SYNM: variants seen among roughly 807,000 people sequenced by gnomAD.
SYNM encodes desmuslin.
A neutral mutation model predicts 104.0 loss-of-function variants in SYNM; 95 were observed. The ratio of observed to expected loss-of-function variants is 0.91; its 90% CI spans 0.77 to 1.08. The LOEUF (loss-of-function observed/expected upper bound fraction) is 1.08. Among genes scored for constraint, SYNM ranks in the 50% least tolerant of loss-of-function variants. SYNM has a pLI of 0.00. For synonymous variants in SYNM, 918 were observed against 869.0 expected (o/e 1.06, Z -0.99); for missense variants, 2,150 against 2,052.2 (o/e 1.05, Z -0.92).
rs1222775816 is a variant in SYNM, at chr15:99,132,701, G to A, written c.4341G>A (p.Thr1447=). The A allele has an allele frequency of 1.3e-5, 21 of 1,613,900 alleles. No homozygotes were observed. Among genetic ancestry groups the A allele is most frequent in the Admixed American group, 1.2e-4 (7 of 60,004 alleles). The change falls in exon 4 of 4, where the codon ACG becomes ACA. Residue 1447 remains threonine (T), a synonymous_variant. Coordinates refer to ENST00000336292, the MANE Select transcript of SYNM (RefSeq NM_145728.3). Reference sequence around the variant, plus strand: ...GCAAGTTAGCAGACAGCAGCAGAACGCTAAGGCACATTGCACCAGGGCCCA... The same window carrying A: ...GCAAGTTAGCAGACAGCAGCAGAACACTAAGGCACATTGCACCAGGGCCCA... The part of the protein sequence containing the change: ...ELGKLADSSR[T]LRHIAPGPKE...
At position 99,133,573 on chromosome 15, in the gene SYNM, C is replaced by A. The variant is rs1567286516; in HGVS notation, c.*515C>A. 2 of 158,800 alleles carry A rather than the reference C, an allele frequency of 1.3e-5. No homozygotes were observed. Among genetic ancestry groups the A allele is most frequent in the African/African-American group, 4.8e-5 (2 of 41,456 alleles). The allele number at this position is 158,800 out of a possible 1,614,324, so 9.8% of individuals were successfully genotyped here. On this transcript the variant is annotated 3_prime_UTR_variant, in exon 4 of 4. Coordinates refer to ENST00000336292, the MANE Select transcript of SYNM (RefSeq NM_145728.3). ...GCAGACTGTTTATGTTAAAAAAATT[C>A]TTGCTAAATGATTTCATCTTTAGGA...
rs1432171504 is a variant in SYNM at position 99,113,619 on chromosome 15, A to G, written c.839A>G (p.Lys280Arg). The change falls in exon 2 of 4, where the codon AAG (lysine) becomes AGG (arginine). Residue 280 changes from lysine (K) to arginine (R), a missense_variant. Coordinates refer to ENST00000336292, the MANE Select transcript of SYNM (RefSeq NM_145728.3). ...GTGATTGACTGCCTGGAGGATGAGAAGGCAACCCTCACCTTGGCCATGGCT... is the reference window on the plus strand; with the variant it reads ...GTGATTGACTGCCTGGAGGATGAGAGGGCAACCCTCACCTTGGCCATGGCT... ...QRVIDCLEDE[K>R]ATLTLAMADW... 2 of 1,613,484 alleles carry G rather than the reference A, an allele frequency of 1.2e-6. No individual in the cohort carries two copies. Among genetic ancestry groups the G allele is most frequent in the Non-Finnish European group, 1.7e-6 (2 of 1,179,722 alleles).
At chr15:99,140,527 A>G (rs2068108968), downstream of SYNM, 1 of 151,882 alleles carries the variant, frequency 6.6e-6, no homozygotes, top group Admixed American at 6.6e-5. Context: ...CCGCCACCAC[A>G]CTCAGCTAAT....
downstream of SYNM, chr15:99,139,683 C>A: frequency 1.4e-6 from 2 of 1,392,346 alleles, no homozygotes; most frequent in Admixed American, 2.2e-5. Flanking sequence ...AAGGCAAGAA[C>A]CTTGGTACTG....
downstream of SYNM, chr15:99,138,247 T>C (rs1450578659): frequency 2.5e-6 from 3 of 1,177,594 alleles, no homozygotes; most frequent in Non-Finnish European, 3.6e-6. Context: ...TGGTAGGGGC[T>C]ATAAATGAGA....
intron 2 of SYNM, among the ~76,000 whole-genome samples, chr15:99,125,762 G>T (rs1204435335): frequency 6.6e-6 from 1 of 152,212 alleles, no homozygotes; most frequent in Non-Finnish European, 1.5e-5. Context: ...TGTATTTCTT[G>T]GAACCGGAGT....
chr15:99,129,660 C>A lies in SYNM; in HGVS notation c.1300C>A (p.Leu434Ile), dbSNP rs200430140. The A allele has an allele frequency of 3.7e-6, 6 of 1,613,932 alleles. No individual in the cohort carries two copies. The South Asian group carries it at 6.6e-5, about 18-fold the overall frequency. ...NVRTFSPTYG[L>I]LRNTEAQVKT... Reference sequence around the variant, plus strand: ...CAGAACTTTCTCTCCAACCTATGGCCTTTTAAGAAATACTGAGGCTCAAGT... The same window carrying A: ...CAGAACTTTCTCTCCAACCTATGGCATTTTAAGAAATACTGAGGCTCAAGT... Residue 434 changes from leucine to isoleucine, a missense_variant, in exon 4 of 4, where the codon CTT becomes ATT. Leu to Ile is a conservative substitution (Grantham distance 5). Coordinates refer to ENST00000336292, the MANE Select transcript of SYNM (RefSeq NM_145728.3).
chr15:99,126,866 C>G (rs1218053357), intron 3 of SYNM, 74 bp downstream of exon 3: 14 of 1,347,564 alleles, frequency 1.0e-5, no homozygotes, highest in Admixed American at 2.4e-5. Context: ...TAGTAAAGCA[C>G]CATCATCGGG....
chr15:99,106,748 C>T (rs1374976849), intron 1 of SYNM, among the ~76,000 whole-genome samples: 1 of 151,714 alleles, frequency 6.6e-6, no homozygotes, highest in African/African-American at 2.4e-5. Flanking sequence ...GGCGGGGTGA[C>T]ACCTGTGGCT....
chr15:99,129,297 A>G (rs1555485349), intron 3 of SYNM, 70 bp from the exon 4 acceptor site: 6 of 1,567,738 alleles, frequency 3.8e-6, no homozygotes, highest in African/African-American at 2.7e-5. Flanking sequence ...TTGGCCTGCA[A>G]CAATGCTTGT....
chr15:99,111,816 G>A (rs1431841851), intron 1 of SYNM, among the ~76,000 whole-genome samples: 2 of 152,322 alleles, frequency 1.3e-5, no homozygotes, highest in South Asian at 2.1e-4. Flanking sequence ...AGGCTGAGGC[G>A]GGAGGATCAC....
intron 1 of SYNM, among the ~76,000 whole-genome samples, chr15:99,107,206 C>T (rs1193503825): frequency 6.6e-6 from 1 of 152,220 alleles, no homozygotes; most frequent in Non-Finnish European, 1.5e-5. Flanking sequence ...AAAGTGTTCT[C>T]TTGGGGCTTT....
At position 99,134,700 on chromosome 15, in the gene SYNM, C is replaced by T. The variant is rs782276354; in HGVS notation, c.*1642C>T. ...CTCCCCAGGTCCTGGGAGTGGCTAC[C>T]GCAGGTAGTTTCTGGAGAGCACGTT... On this transcript the variant is annotated 3_prime_UTR_variant, in exon 4 of 4. Transcript: ENST00000336292. 10 of 152,176 alleles carry T rather than the reference C, an allele frequency of 6.6e-5. No individual in the cohort carries two copies. Among genetic ancestry groups the T allele is most frequent in the Non-Finnish European group, 1.5e-4 (10 of 68,058 alleles). The allele number at this position is 152,176 out of a possible 1,614,324, so 9.4% of individuals were successfully genotyped here. A position where few individuals can be genotyped will look rare whatever the true frequency, so the allele number is the denominator to read the frequency against.
In SYNM at chr15:99,126,712, AT is replaced by A; in HGVS notation, c.936-5del. 1 of 1,569,034 alleles carries A rather than the reference AT, an allele frequency of 6.4e-7. No homozygotes were observed. Among genetic ancestry groups the A allele is most frequent in the Non-Finnish European group, 8.7e-7 (1 of 1,156,028 alleles). On this transcript the variant is annotated splice_polypyrimidine_tract_variant and intron_variant, in intron 2 of 3. Transcript: ENST00000336292. ...TCCTAATGAATTATGTTTGTAAATT[AT>A]TTTTACAGGGCCTTATTGGAAGGAG... is the stretch of plus-strand genomic sequence containing the variant.
chr15:99,107,490 G>A (rs1301723854), intron 1 of SYNM, among the ~76,000 whole-genome samples: 1 of 152,224 alleles, frequency 6.6e-6, no homozygotes, highest in African/African-American at 2.4e-5. Context: ...GGTCTGTGCT[G>A]TGCAGGCAGG....
downstream of SYNM, chr15:99,135,650 C>CT (rs1411286883): frequency 6.6e-6 from 1 of 152,544 alleles, no homozygotes; most frequent in South Asian, 2.1e-4. Flanking sequence ...CCTTTAAACT[C>CT]TAAGTAAAGA....
chr15:99,123,141 T>C (rs951584926), intron 2 of SYNM, among the ~76,000 whole-genome samples: 47 of 152,144 alleles, frequency 3.1e-4, no homozygotes, highest in Non-Finnish European at 2.9e-5. Context: ...ATTTCAGAAA[T>C]AGGGAAACTG....
At chr15:99,121,761 A>C (rs2151804681) in intron 2 of SYNM, among the ~76,000 whole-genome samples, 1 of 152,332 alleles carries the variant, frequency 6.6e-6, no homozygotes, top group African/African-American at 2.4e-5. Flanking sequence ...CTTTCAGAAA[A>C]GATACTCAAT....
intron 2 of SYNM, among the ~76,000 whole-genome samples, chr15:99,120,168 A>G (rs2067386780): frequency 6.6e-6 from 1 of 152,206 alleles, no homozygotes; most frequent in Admixed American, 6.5e-5. Flanking sequence ...CCTTCACCCA[A>G]GGCTGTTCCC....
Sources: gnomAD v4.1 joint callset for allele counts (sites outside exome capture counted in the v4.1 genomes callset) on GRCh38, gnomAD v4.1.1 for gene constraint, MANE v1.5 for transcripts, NCBI Gene and HGNC (gene_info 2026-07-23, HGNC 2026-07-21) for gene names.